GPD2: variants seen among roughly 807,000 people sequenced by gnomAD.
The protein encoded by GPD2 is glycerol-3-phosphate dehydrogenase 2.
In GPD2, 54 loss-of-function variants were observed where a neutral mutation model predicts 82.4. That is an observed-to-expected ratio of 0.66 (90% CI 0.53 to 0.82). GPD2 has a LOEUF of 0.82. Ranked by LOEUF, GPD2 falls within the 40% of genes least tolerant of loss-of-function variation. The pLI is 0.00. For missense variants in GPD2, 748 were observed against 896.2 expected, an observed-to-expected ratio of 0.83 and a Z score of 2.11; for synonymous variants, 288 against 306.1, an observed-to-expected ratio of 0.94 and a Z score of 0.62.
chr2:156,450,724 A>G (rs1430705138), intron 1 of GPD2, among the ~76,000 whole-genome samples: 1 of 77,668 alleles, frequency 1.3e-5, no homozygotes, highest in Non-Finnish European at 2.5e-5. Flanking sequence ...GGGATTTGGC[A>G]GGGTCACAGG....
intron 6 of GPD2, among the ~76,000 whole-genome samples, chr2:156,537,905 AG>A (rs1163932018): frequency 2.6e-5 from 4 of 152,258 alleles, no homozygotes; most frequent in African/African-American, 9.6e-5. Context: ...TTATATCTGT[AG>A]GTAGTTCCCC....
chr2:156,488,743 A>G (rs1308474720), intron 2 of GPD2, among the ~76,000 whole-genome samples: 2 of 152,048 alleles, frequency 1.3e-5, no homozygotes, highest in Non-Finnish European at 2.9e-5. Context: ...CTTGGCTTTC[A>G]GTTCTTTGTA....
At chr2:156,427,082 TC>T in the GPD2 span, among the ~76,000 whole-genome samples, 2 of 152,322 alleles carry the variant, frequency 1.3e-5, no homozygotes, top group East Asian at 3.9e-4. Context: ...AGAGTTATTT[TC>T]CAATTATCTG....
At chr2:156,412,810 A>T in the GPD2 span, among the ~76,000 whole-genome samples, 3 of 152,220 alleles carry the variant, frequency 2.0e-5, no homozygotes, top group Non-Finnish European at 4.4e-5. Flanking sequence ...TAAAACTATG[A>T]TGCCAGGAGC....
intron 2 of GPD2, among the ~76,000 whole-genome samples, chr2:156,485,059 C>G (rs1458939090): frequency 1.3e-5 from 2 of 152,200 alleles, no homozygotes; most frequent in African/African-American, 4.8e-5. Context: ...ATAATGTCCT[C>G]CAGGGCTATC....
chr2:156,509,055 G>T (rs1684889607), intron 3 of GPD2, among the ~76,000 whole-genome samples: 1 of 152,110 alleles, frequency 6.6e-6, no homozygotes, highest in South Asian at 2.1e-4. Flanking sequence ...ATTTTTCTGT[G>T]TTCTTAGAAT....
chr2:156,514,902 A>T (rs1685144280), intron 6 of GPD2, among the ~76,000 whole-genome samples: 1 of 152,176 alleles, frequency 6.6e-6, no homozygotes, highest in South Asian at 2.1e-4. Flanking sequence ...TTGGGTGATT[A>T]TAGTAAAGAG....
chr2:156,495,932 C>CT, intron 2 of GPD2, 112 bp from the exon 3 acceptor site: 6 of 790,658 alleles, frequency 7.6e-6, no homozygotes, highest in Non-Finnish European at 1.1e-5. Context: ...TGTGGACTCT[C>CT]TTTAGCTCTT....
chr2:156,450,417 A>G (rs1481985489), intron 1 of GPD2, among the ~76,000 whole-genome samples: 1 of 152,164 alleles, frequency 6.6e-6, no homozygotes, highest in Non-Finnish European at 1.5e-5. Flanking sequence ...TTGAGCAACT[A>G]TTATATAGAA....
upstream of GPD2, chr2:156,435,292 T>G (rs1573863523): frequency 6.6e-6 from 1 of 152,170 alleles, no homozygotes; most frequent in Non-Finnish European, 1.5e-5. Flanking sequence ...GAAAGGTTAT[T>G]AGTACAGCAC....
rs182892018 is a variant in GPD2, at chr2:156,505,733, C to A, written c.275-5063C>A. ...AATCCTGGGTGCATTATTTTTTATG[C>A]CCTTCAGGCTTAATTATTTTACCTA... On this transcript the variant is annotated intron_variant, in intron 3 of 16. Transcript: ENST00000438166. Among the ~76,000 whole-genome samples, 61 of 152,270 alleles carry A rather than the reference C, an allele frequency of 4.0e-4. 1 individual carries two copies. In the Middle Eastern group the frequency reaches 0.027, roughly 68 times the overall value.
At chr2:156,504,322 T>G (rs1432737762) in intron 3 of GPD2, among the ~76,000 whole-genome samples, 1 of 152,062 alleles carries the variant, frequency 6.6e-6, no homozygotes, top group Non-Finnish European at 1.5e-5. Context: ...CTTTTCTTAT[T>G]AATGGCAATG....
chr2:156,483,011 AC>A (rs1356625875), intron 2 of GPD2, among the ~76,000 whole-genome samples: 1 of 152,148 alleles, frequency 6.6e-6, no homozygotes, highest in Non-Finnish European at 1.5e-5. Context: ...CCCTCTCCAT[AC>A]CTTATTTGTA....
chr2:156,471,784 A>G (rs929561457), intron 1 of GPD2, among the ~76,000 whole-genome samples: 15 of 152,188 alleles, frequency 9.9e-5, no homozygotes, highest in African/African-American at 3.6e-4. Flanking sequence ...TAGCACAACT[A>G]GTTATAAGAC....
chr2:156,559,719 T>C (rs1338989141), intron 9 of GPD2, among the ~76,000 whole-genome samples: 1 of 152,214 alleles, frequency 6.6e-6, no homozygotes, highest in Non-Finnish European at 1.5e-5. Context: ...GTATAAAAGA[T>C]ACTAAATACA....
At chr2:156,526,743 G>A (rs1166118404) in intron 6 of GPD2, among the ~76,000 whole-genome samples, 1 of 152,056 alleles carries the variant, frequency 6.6e-6, no homozygotes, top group Non-Finnish European at 1.5e-5. Context: ...TCGTCTCAGA[G>A]TGATTCTCCT....
intron 6 of GPD2, among the ~76,000 whole-genome samples, chr2:156,516,139 C>G (rs956064575): frequency 1.3e-5 from 2 of 152,054 alleles, no homozygotes; most frequent in Non-Finnish European, 2.9e-5. Context: ...ATTGCAAACC[C>G]AAGTCTAAAC....
chr2:156,431,333 G>T (rs1688314394), upstream of GPD2, among the ~76,000 whole-genome samples: 1 of 152,094 alleles, frequency 6.6e-6, no homozygotes, highest in Non-Finnish European at 1.5e-5. Context: ...TTAAAATTTG[G>T]TTATGGTCAT....
At chr2:156,434,127 G>A (rs1379778228), upstream of GPD2, among the ~76,000 whole-genome samples, 1 of 152,078 alleles carries the variant, frequency 6.6e-6, no homozygotes, top group African/African-American at 2.4e-5. Flanking sequence ...TTTTTGAGAT[G>A]GAGTCTCACT....
Sources: gnomAD v4.1 joint callset for allele counts (sites outside exome capture counted in the v4.1 genomes callset) on GRCh38, gnomAD v4.1.1 for gene constraint, MANE v1.5 for transcripts, NCBI Gene and HGNC (gene_info 2026-07-23, HGNC 2026-07-21) for gene names.